Variants in ANOS1 observed in about 807,000 individuals in gnomAD.
The protein encoded by ANOS1 is anosmin 1.
Under a neutral mutation model 59.0 loss-of-function variants are expected in ANOS1, and 6 were observed. The observed-to-expected ratio is 0.10, with a 90% CI of 0.06 to 0.20. The LOEUF is 0.20. Ranked by LOEUF, ANOS1 falls within the 10% of genes least tolerant of loss-of-function variation. The pLI, the probability that ANOS1 is intolerant of heterozygous loss-of-function variation, is 1.00. For missense variants in ANOS1, 433 were observed against 542.3 expected (o/e 0.80, Z 2.00); for synonymous variants, 217 against 223.4 (o/e 0.97, Z 0.25).
intron 1 of ANOS1, among the ~76,000 whole-genome samples, chrX:8,704,022 G>A (rs1190013792): frequency 2.7e-5 from 3 of 110,177 alleles, no homozygotes; most frequent in African/African-American, 9.9e-5. Context: ...TCATGGGGGC[G>A]GGTTTTTCCC....
At chrX:8,649,951 C>A (rs905214691) in intron 2 of ANOS1, among the ~76,000 whole-genome samples, 1 of 112,734 alleles carries the variant, frequency 8.9e-6, no homozygotes, top group African/African-American at 3.2e-5. Context: ...GCAAAATTAA[C>A]CTATTTTCTT....
At chrX:8,672,642 C>G (rs539379224) in intron 2 of ANOS1, among the ~76,000 whole-genome samples, 1 of 111,606 alleles carries the variant, frequency 9.0e-6, no homozygotes, top group African/African-American at 3.3e-5. Context: ...GGATGAGGTA[C>G]TGAGAAAGAG....
intron 6 of ANOS1, among the ~76,000 whole-genome samples, chrX:8,577,766 T>C (rs1930354284): frequency 8.9e-6 from 1 of 111,862 alleles, no homozygotes; most frequent in Non-Finnish European, 1.9e-5. Context: ...TTTGACACAA[T>C]GGAAAGACTT....
chrX:8,725,595 GAT>G (rs780398697), intron 1 of ANOS1, among the ~76,000 whole-genome samples: 2,837 of 41,854 alleles, frequency 0.068, no homozygotes, highest in East Asian at 0.12. Context: ...TATATATACA[GAT>G]ATATATATAC....
At position 8,682,154 on chromosome X, in the gene ANOS1, G is replaced by A. The variant is rs544830780; in HGVS notation, c.255+17544C>T. 8.1e-5 allele frequency among the ~76,000 whole-genome samples: 9 copies of A among 110,895 alleles called. No homozygotes were observed. The South Asian group carries it at 3.4e-3, about 42-fold the overall frequency. On this transcript the variant is annotated intron_variant, in intron 2 of 13. Transcript: ENST00000262648. ...AGTGAGCTAAGAAGGAGGAATGGGG[G>A]TAATGAGTTTCCAAGACTCAATAAT...
intron 2 of ANOS1, among the ~76,000 whole-genome samples, chrX:8,690,988 T>C (rs914769476): frequency 9.0e-6 from 1 of 111,376 alleles, no homozygotes; most frequent in Non-Finnish European, 1.9e-5. Flanking sequence ...TCCCCACAGA[T>C]AGGTGGTTGT....
chrX:8,681,006 A>C (rs755387316), intron 2 of ANOS1, among the ~76,000 whole-genome samples: 6 of 111,660 alleles, frequency 5.4e-5, no homozygotes, highest in Non-Finnish European at 1.1e-4. Context: ...TATTATCCGC[A>C]TAACAAGCCT....
In ANOS1 at chrX:8,532,868, C is replaced by A. The variant is rs1929522150; in HGVS notation, c.*127G>T. 2.0e-6 allele frequency: 1 copy of A among 493,767 alleles called. No individual in the cohort carries two copies. Among genetic ancestry groups the A allele is most frequent in the African/African-American group, 2.3e-5 (1 of 43,064 alleles). The allele number at this position is 493,767 out of a possible 1,213,427, so 40.7% of individuals were successfully genotyped here. A position where few individuals can be genotyped will look rare whatever the true frequency, so the allele number is the denominator to read the frequency against. On this transcript the variant is annotated 3_prime_UTR_variant, in exon 14 of 14. Coordinates refer to ENST00000262648, the MANE Select transcript of ANOS1 (RefSeq NM_000216.4). ...ATGATTGACAGAAGTTCTTCCTGCA[C>A]TAAAGTCACATAGGAGAGTCCGGGC...
rs748361352 is a variant in ANOS1, at chrX:8,532,180, G to T, written c.*815C>A. The T allele has an allele frequency of 1.8e-5, 2 of 112,016 alleles. No individual in the cohort carries two copies. Among genetic ancestry groups the T allele is most frequent in the South Asian group, 7.4e-4 (2 of 2,702 alleles). The allele number at this position is 112,016 out of a possible 1,213,427, so 9.2% of individuals were successfully genotyped here. ...ATGGTGAAACAAAAGTGCACCAAAAGCTATTATCTGCATTGAGGAAAATAA... is the reference window on the plus strand; with the variant it reads ...ATGGTGAAACAAAAGTGCACCAAAATCTATTATCTGCATTGAGGAAAATAA... On this transcript the variant is annotated 3_prime_UTR_variant, in exon 14 of 14. Transcript: ENST00000262648.
At chrX:8,703,113 C>A (rs1009470071) in intron 1 of ANOS1, among the ~76,000 whole-genome samples, 1 of 112,387 alleles carries the variant, frequency 8.9e-6, no homozygotes. Context: ...CCCTCTCCTG[C>A]TGAATGATAT....
At chrX:8,705,390 C>T (rs1932774909) in intron 1 of ANOS1, among the ~76,000 whole-genome samples, 1 of 111,741 alleles carries the variant, frequency 8.9e-6, no homozygotes. Context: ...TCCATAGTTC[C>T]TTTTTGGATT....
Position 8,585,388 on chromosome X carries a change from G to A in ANOS1, c.735C>T (p.Asp245=), listed in dbSNP as rs188939998. Residue 245 remains aspartate, a synonymous_variant, in exon 6 of 14, where the codon GAC becomes GAT. Transcript: ENST00000262648. Reference sequence around the variant, plus strand: ...TTATGTCAGTCAGTTGAACTCGCTCGTCTGTGGTCTGAGGGGACATGTCAC... The same window carrying A: ...TTATGTCAGTCAGTTGAACTCGCTCATCTGTGGTCTGAGGGGACATGTCAC... ...THWQTVAQTT[D]ERVQLTDIRP... The A allele has an allele frequency of 3.3e-5, 40 of 1,209,482 alleles. No individual in the cohort carries two copies. The highest frequency in any genetic ancestry group is 2.7e-4 in the East Asian group (9 of 33,764).
At chrX:8,582,467 T>C (rs139274926) in intron 6 of ANOS1, among the ~76,000 whole-genome samples, 13,615 of 110,289 alleles carry the variant, frequency 0.12, 817 homozygotes, top group African/African-American at 0.22. Flanking sequence ...GGGAGGGTAG[T>C]GATGAAGTCT....
chrX:8,698,921 C>T (rs1390401112), intron 2 of ANOS1, among the ~76,000 whole-genome samples: 1 of 111,600 alleles, frequency 9.0e-6, no homozygotes, highest in Non-Finnish European at 1.9e-5. Context: ...CCTTAGATTA[C>T]TTGTTGTTTA....
chrX:8,594,708 A>ATT (rs1930696909), intron 4 of ANOS1, among the ~76,000 whole-genome samples: 1 of 72,697 alleles, frequency 1.4e-5, no homozygotes, highest in African/African-American at 5.0e-5. Flanking sequence ...ACACATATAT[A>ATT]TACACATATA....
intron 13 of ANOS1, among the ~76,000 whole-genome samples, chrX:8,533,863 G>C (rs1251244479): frequency 1.8e-5 from 2 of 109,614 alleles, no homozygotes; most frequent in Non-Finnish European, 3.8e-5. Context: ...AAATATTTCA[G>C]ATATGAGACT....
rs1414919108 is a variant in ANOS1 at position 8,694,480 on chromosome X, C to T, written c.255+5218G>A. On this transcript the variant is annotated intron_variant, in intron 2 of 13. Coordinates refer to ENST00000262648, the MANE Select transcript of ANOS1 (RefSeq NM_000216.4). ...GGCCAGGAGTTTGATGCCAGCCTGG[C>T]CAACATGGAGAAACCCTGTCTCTAC... Among the ~76,000 whole-genome samples the T allele has an allele frequency of 2.7e-5, 3 of 111,588 alleles. No homozygotes were observed. In the Admixed American group the frequency reaches 2.8e-4, roughly 11 times the overall value.
At chrX:8,615,739 T>A (rs1224472995) in intron 3 of ANOS1, among the ~76,000 whole-genome samples, 2 of 110,444 alleles carry the variant, frequency 1.8e-5, no homozygotes, top group Non-Finnish European at 3.8e-5. Flanking sequence ...ATCTGGTGCA[T>A]TAAAATCTCA....
At position 8,647,270 on chromosome X, in the gene ANOS1, G is replaced by A. The variant is rs186690240; in HGVS notation, c.256-23600C>T. Among the ~76,000 whole-genome samples the A allele has an allele frequency of 4.6e-3, 511 of 110,908 alleles. 7 individuals are homozygous for A. The highest frequency in any genetic ancestry group is 0.016 in the African/African-American group (489 of 30,464). ...ATTGCCAAATGCCCCCCAGGGACAA[G>A]AACTGCCCCCGGGTTGAGAACCAGT... is the stretch of plus-strand genomic sequence containing the variant. On this transcript the variant is annotated intron_variant, in intron 2 of 13. Coordinates refer to ENST00000262648, the MANE Select transcript of ANOS1 (RefSeq NM_000216.4).
Sources: gnomAD v4.1 joint callset for allele counts (sites outside exome capture counted in the v4.1 genomes callset) on GRCh38, gnomAD v4.1.1 for gene constraint, MANE v1.5 for transcripts, NCBI Gene and HGNC (gene_info 2026-07-23, HGNC 2026-07-21) for gene names.